Variants in PLPP1 observed in about 807,000 individuals in gnomAD.
The protein encoded by PLPP1 is phospholipid phosphatase 1, also known as lipid phosphate phosphohydrolase 1a.
Under a neutral mutation model 31.2 loss-of-function variants are expected in PLPP1, and 24 were observed. The observed-to-expected ratio is 0.77, with a 90% CI of 0.56 to 1.08. The LOEUF is 1.08. PLPP1 is among the 50% of genes least tolerant of loss of function. The probability of loss-of-function intolerance (pLI) is 0.00; values close to 1 mark genes in which losing one functional copy is unlikely to be tolerated. For synonymous variants in PLPP1, 146 were observed against 126.3 expected, an observed-to-expected ratio of 1.16 and a Z score of -1.05; for missense variants, 319 against 342.7, an observed-to-expected ratio of 0.93 and a Z score of 0.55.
intron 4 of PLPP1, among the ~76,000 whole-genome samples, chr5:55,438,818 G>A (rs548763619): frequency 1.6e-3 from 243 of 151,900 alleles, no homozygotes; most frequent in Admixed American, 4.3e-3. Flanking sequence ...GGAGAATGGC[G>A]TGAACCCGGG....
intron 1 of PLPP1, chr5:55,490,868 C>T (rs1167071276): frequency 2.2e-6 from 3 of 1,363,652 alleles, no homozygotes; most frequent in African/African-American, 1.5e-5. Flanking sequence ...CTGGTGAAGA[C>T]AGTACTGTGG....
chr5:55,425,141 T>C lies in PLPP1; in HGVS notation c.*65A>G. ...ACACCAGGAAGAAAGATGCATCCTC[T>C]TGCCTTGTGGCAATCATTTTCCTTT... On this transcript the variant is annotated 3_prime_UTR_variant, in exon 6 of 6. Coordinates refer to ENST00000307259, the MANE Select transcript of PLPP1 (RefSeq NM_003711.4). 1 of 1,551,706 alleles carries C rather than the reference T, an allele frequency of 6.4e-7. No individual in the cohort carries two copies. The highest frequency in any genetic ancestry group is 1.2e-5 in the South Asian group (1 of 83,460).
At chr5:55,429,557 G>A (rs1036445153) in intron 4 of PLPP1, among the ~76,000 whole-genome samples, 2 of 151,986 alleles carry the variant, frequency 1.3e-5, no homozygotes, top group African/African-American at 4.8e-5. Flanking sequence ...ACACAAACAG[G>A]GAACTTGGGG....
intron 1 of PLPP1, among the ~76,000 whole-genome samples, chr5:55,531,873 TA>T (rs142667350): frequency 0.03 from 4,541 of 152,346 alleles, 80 homozygotes; most frequent in Non-Finnish European, 0.046. Context: ...CTTACATTTT[TA>T]AAAGTCAGTA....
Position 55,467,014 on chromosome 5 carries a change from G to C in PLPP1, c.491+855C>G, listed in dbSNP as rs1459131759. On this transcript the variant is annotated intron_variant, in intron 3 of 5. Coordinates refer to ENST00000307259, the MANE Select transcript of PLPP1 (RefSeq NM_003711.4). The stretch of plus-strand genomic sequence containing the variant: ...CCTCATCTATCAATTTAAAAAGTTG[G>C]ATCTTCTGAGTTCTAAACATTCTGT... Among the ~76,000 whole-genome samples the C allele has an allele frequency of 2.0e-5, 3 of 152,060 alleles. No individual in the cohort carries two copies. In the South Asian group the frequency reaches 6.2e-4, roughly 32 times the overall value.
At chr5:55,465,248 T>C (rs1297654980) in intron 3 of PLPP1, among the ~76,000 whole-genome samples, 1 of 152,188 alleles carries the variant, frequency 6.6e-6, no homozygotes, top group Non-Finnish European at 1.5e-5. Context: ...TTTCACCATG[T>C]TGGCCAGGCT....
At chr5:55,493,052 C>G (rs1752928225) in intron 1 of PLPP1, among the ~76,000 whole-genome samples, 1 of 152,120 alleles carries the variant, frequency 6.6e-6, no homozygotes, top group Non-Finnish European at 1.5e-5. Context: ...GTGGGTCACA[C>G]CTATAAACCC....
intron 4 of PLPP1, among the ~76,000 whole-genome samples, chr5:55,427,348 A>G (rs1751229327): frequency 6.6e-6 from 1 of 152,232 alleles, no homozygotes; most frequent in Non-Finnish European, 1.5e-5. Flanking sequence ...ATCTAATTTT[A>G]TCAAGTACTT....
chr5:55,443,159 G>A (rs1316704499), intron 3 of PLPP1, among the ~76,000 whole-genome samples: 1 of 114,648 alleles, frequency 8.7e-6, no homozygotes, highest in South Asian at 2.9e-4. Context: ...GCCAGTGGGT[G>A]GGAAAGAAAG....
intron 1 of PLPP1, among the ~76,000 whole-genome samples, chr5:55,524,577 A>C (rs1379862516): frequency 6.6e-6 from 1 of 152,160 alleles, no homozygotes; most frequent in Non-Finnish European, 1.5e-5. Context: ...TTGGGAGCCA[A>C]GACGGGTGGA....
chr5:55,491,653 T>C (rs1752889449), intron 1 of PLPP1, among the ~76,000 whole-genome samples: 1 of 149,726 alleles, frequency 6.7e-6, no homozygotes, highest in Non-Finnish European at 1.5e-5. Context: ...ACATGAAGAG[T>C]TCAAGACGAG....
chr5:55,465,367 A>T (rs1241815964), intron 3 of PLPP1, among the ~76,000 whole-genome samples: 1 of 152,064 alleles, frequency 6.6e-6, no homozygotes, highest in Non-Finnish European at 1.5e-5. Context: ...TGGTTTTATC[A>T]TTGCATTCAT....
chr5:55,516,067 C>A (rs545391691), intron 1 of PLPP1, among the ~76,000 whole-genome samples: 2 of 152,280 alleles, frequency 1.3e-5, no homozygotes, highest in South Asian at 2.1e-4. Flanking sequence ...CTGGCAGGAA[C>A]CAACATCTGT....
intron 1 of PLPP1, among the ~76,000 whole-genome samples, chr5:55,483,274 A>C (rs1051018266): frequency 6.6e-6 from 1 of 152,208 alleles, no homozygotes; most frequent in Non-Finnish European, 1.5e-5. Flanking sequence ...AAATCTGATT[A>C]ATCAATGCCA....
chr5:55,426,130 A>C lies in PLPP1; in HGVS notation c.550-91T>G, dbSNP rs2278259. 1.0e-3 allele frequency: 1,157 copies of C among 1,149,430 alleles called. 32 individuals are homozygous for C. In the East Asian group the frequency reaches 0.029, roughly 29 times the overall value. 71.2% of individuals were successfully genotyped at this position (1,149,430 alleles called of 1,614,324 possible). A position where few individuals can be genotyped will look rare whatever the true frequency, so the allele number is the denominator to read the frequency against. ...AGGGTTGGCATTTGAAATGATTATC[A>C]AAGTATTATTATATAGGGAACAGGA... On this transcript the variant is annotated intron_variant, in intron 4 of 5. Coordinates refer to ENST00000307259, the MANE Select transcript of PLPP1 (RefSeq NM_003711.4).
At chr5:55,508,064 G>A (rs932923394) in intron 1 of PLPP1, among the ~76,000 whole-genome samples, 2 of 151,776 alleles carry the variant, frequency 1.3e-5, no homozygotes, top group Admixed American at 1.3e-4. Context: ...CACCATGTTG[G>A]CTATGCTGGT....
intron 1 of PLPP1, among the ~76,000 whole-genome samples, chr5:55,509,781 A>G (rs757872949): frequency 6.2e-4 from 95 of 152,236 alleles, no homozygotes; most frequent in Non-Finnish European, 1.3e-3. Context: ...TACACTAACA[A>G]AAACAAAAAG....
At position 55,475,386 on chromosome 5, in the gene PLPP1, A is replaced by G. The variant is rs751252243; in HGVS notation, c.123T>C (p.Asn41=). ...HTPFQRGVFC[N]DESIKYPYKE... is the part of the protein sequence containing the mutation. Reference sequence around the variant, plus strand: ...TGTAAGGGTACTTGATGGACTCATCATTACAGAATACTCCTCGTTGGAAGG... The same window carrying G: ...TGTAAGGGTACTTGATGGACTCATCGTTACAGAATACTCCTCGTTGGAAGG... Residue 41 remains asparagine, a synonymous_variant, in exon 2 of 6, where the codon AAT becomes AAC. Coordinates refer to ENST00000307259, the MANE Select transcript of PLPP1 (RefSeq NM_003711.4). 3.7e-6 allele frequency: 6 copies of G among 1,612,820 alleles called. No homozygotes were observed. Among genetic ancestry groups the G allele is most frequent in the Non-Finnish European group, 5.1e-6 (6 of 1,179,010 alleles).
At chr5:55,437,758 C>T (rs960133393) in intron 4 of PLPP1, among the ~76,000 whole-genome samples, 5 of 152,154 alleles carry the variant, frequency 3.3e-5, no homozygotes, top group African/African-American at 1.2e-4. Flanking sequence ...TTCACTGAGG[C>T]ACTAAATTTA....
Sources: allele counts gnomAD v4.1 joint callset (sites outside exome capture counted in the v4.1 genomes callset), GRCh38; gene constraint gnomAD v4.1.1; transcripts MANE v1.5; gene names NCBI Gene and HGNC (gene_info 2026-07-23, HGNC 2026-07-21).